PCDHA1: variants seen among roughly 807,000 people sequenced by gnomAD.
The protein encoded by PCDHA1 is protocadherin alpha-1.
A neutral mutation model predicts 61.3 loss-of-function variants in PCDHA1; 42 were observed. The observed-to-expected ratio is 0.69, with a 90% CI of 0.54 to 0.89. The LOEUF (loss-of-function observed/expected upper bound fraction) is 0.89. Among genes scored for constraint, PCDHA1 ranks in the 40% least tolerant of loss-of-function variants. The pLI, the probability that PCDHA1 is intolerant of heterozygous loss-of-function variation, is 0.00. For synonymous variants in PCDHA1, 610 were observed against 553.8 expected (o/e 1.10, Z -1.43); for missense variants, 1,256 against 1,235.3 (o/e 1.02, Z -0.25).
intron 1 of PCDHA1, chr5:140,883,364 A>T (rs782725621): frequency 6.2e-7 from 1 of 1,614,168 alleles, no homozygotes; most frequent in African/African-American, 1.3e-5. Context: ...CACTCAGCCT[A>T]GCGCCATTAT....
Position 140,807,362 on chromosome 5 carries a change from C to G in PCDHA1, c.2394+18678C>G, listed in dbSNP as rs145024223. On this transcript the variant is annotated intron_variant, in intron 1 of 3. Coordinates refer to ENST00000504120, the MANE Select transcript of PCDHA1 (RefSeq NM_018900.4). ...GGACCTGGGACTGGAGCTGGCGGAG[C>G]TGGTGCCGCGCCTGTTCCGGGTGGC... 544 of 1,609,962 alleles carry G rather than the reference C, an allele frequency of 3.4e-4. 1 individual carries two copies. Among genetic ancestry groups the G allele is most frequent in the Non-Finnish European group, 3.8e-4 (444 of 1,179,038 alleles).
At chr5:140,883,675 G>T (rs782140381) in intron 1 of PCDHA1, 5 of 1,613,894 alleles carry the variant, frequency 3.1e-6, no homozygotes, top group Non-Finnish European at 4.2e-6. Context: ...AAAACAATCC[G>T]CCGGGCTGCC....
intron 1 of PCDHA1, among the ~76,000 whole-genome samples, chr5:140,897,495 A>G (rs1208374175): frequency 1.2e-4 from 19 of 152,006 alleles, no homozygotes; most frequent in Admixed American, 9.8e-4. Flanking sequence ...AATTTCAACC[A>G]TGTCCCTACA....
intron 1 of PCDHA1, among the ~76,000 whole-genome samples, chr5:140,952,559 G>A (rs1185999097): frequency 6.6e-6 from 1 of 152,108 alleles, no homozygotes; most frequent in Non-Finnish European, 1.5e-5. Flanking sequence ...TTCACTATCA[G>A]CACTTCGGTC....
At chr5:140,796,376 G>C in intron 1 of PCDHA1, 1 of 1,613,428 alleles carries the variant, frequency 6.2e-7, no homozygotes, top group South Asian at 1.1e-5. Flanking sequence ...AACCCGCCGG[G>C]CTGCCACATC....
chr5:140,793,971 T>G (rs908170718), intron 1 of PCDHA1, among the ~76,000 whole-genome samples: 14 of 152,318 alleles, frequency 9.2e-5, no homozygotes, highest in Admixed American at 9.1e-4. Flanking sequence ...CTAAAATACC[T>G]TTGATTACTA....
At chr5:140,876,724 G>T (rs140611870) in intron 1 of PCDHA1, 2 of 1,614,246 alleles carry the variant, frequency 1.2e-6, no homozygotes, top group Non-Finnish European at 1.7e-6. Context: ...CCGCGAGAGC[G>T]TGTCGGCCTA....
At chr5:140,968,446 C>T in intron 1 of PCDHA1, 1 of 1,614,046 alleles carries the variant, frequency 6.2e-7, no homozygotes, top group Non-Finnish European at 8.5e-7. Context: ...CACCACTGAG[C>T]AGCACTGTGA....
At chr5:140,805,154 A>T in intron 1 of PCDHA1, 1 of 1,559,526 alleles carries the variant, frequency 6.4e-7, no homozygotes, top group Admixed American at 1.8e-5. Context: ...TGGAATTTTC[A>T]CTTCACAGAT....
At chr5:140,965,864 G>A (rs553582487) in intron 1 of PCDHA1, among the ~76,000 whole-genome samples, 1 of 152,254 alleles carries the variant, frequency 6.6e-6, no homozygotes, top group East Asian at 1.9e-4. Flanking sequence ...CTGAAAATAA[G>A]GGCCACTTGG....
chr5:140,931,430 A>G (rs1431087207), intron 1 of PCDHA1, among the ~76,000 whole-genome samples: 2 of 149,950 alleles, frequency 1.3e-5, no homozygotes, highest in Non-Finnish European at 3.0e-5. Flanking sequence ...AGTTAGAAGG[A>G]AAATTAGCTA....
intron 1 of PCDHA1, among the ~76,000 whole-genome samples, chr5:140,896,652 C>T (rs1393897195): frequency 2.6e-5 from 4 of 152,018 alleles, no homozygotes; most frequent in African/African-American, 9.7e-5. Flanking sequence ...GCTAGTATTA[C>T]AGGCATGAGT....
chr5:140,807,908 G>A (rs781869651), intron 1 of PCDHA1: 1 of 1,614,126 alleles, frequency 6.2e-7, no homozygotes, highest in Non-Finnish European at 8.5e-7. Context: ...CAATGCCCCA[G>A]CTTTTGACAG....
At chr5:140,952,705 T>C (rs2094784320) in intron 1 of PCDHA1, among the ~76,000 whole-genome samples, 1 of 152,160 alleles carries the variant, frequency 6.6e-6, no homozygotes, top group Non-Finnish European at 1.5e-5. Context: ...TATCCCACTC[T>C]CAGTATCAAT....
At chr5:140,807,124 T>C in intron 1 of PCDHA1, 1 of 1,547,934 alleles carries the variant, frequency 6.5e-7, no homozygotes, top group Non-Finnish European at 8.8e-7. Context: ...GACTGACCGA[T>C]TAAAAGATTT....
chr5:140,870,395 C>T (rs1554164197), intron 1 of PCDHA1: 1 of 1,614,218 alleles, frequency 6.2e-7, no homozygotes, highest in South Asian at 1.1e-5. Context: ...GATGGGGGTT[C>T]GCCTTCTCTG....
chr5:140,822,458 T>G, intron 1 of PCDHA1: 1 of 1,613,786 alleles, frequency 6.2e-7, no homozygotes, highest in South Asian at 1.1e-5. Context: ...GTTCAGTTGT[T>G]GATCAATGTA....
intron 1 of PCDHA1, chr5:140,876,047 C>T (rs1305657261): frequency 5.0e-6 from 8 of 1,613,744 alleles, no homozygotes; most frequent in Non-Finnish European, 6.8e-6. Context: ...AGTATATTGC[C>T]TGAATTAGTT....
In PCDHA1 at chr5:140,870,824, G is replaced by A. The variant is rs1296646483; in HGVS notation, c.2394+82140G>A. On this transcript the variant is annotated intron_variant, in intron 1 of 3. Coordinates refer to ENST00000504120, the MANE Select transcript of PCDHA1 (RefSeq NM_018900.4). ...GCGACTCAGGCTGGCAGCGCGGGAG[G>A]CGCAGTTAACAAGCTAGTACCGCGG... 8.7e-6 allele frequency: 14 copies of A among 1,613,638 alleles called. No homozygotes were observed. The East Asian group carries it at 2.9e-4, about 33-fold the overall frequency.
Sources: allele counts gnomAD v4.1 joint callset (sites outside exome capture counted in the v4.1 genomes callset), GRCh38; gene constraint gnomAD v4.1.1; transcripts MANE v1.5; gene names NCBI Gene and HGNC (gene_info 2026-07-23, HGNC 2026-07-21).